Variants in RAPGEF1 observed in about 807,000 individuals in gnomAD.
RAPGEF1 encodes Rap guanine nucleotide exchange factor 1.
A neutral mutation model predicts 143.3 loss-of-function variants in RAPGEF1; 33 were observed. The ratio of observed to expected loss-of-function variants is 0.23; its 90% confidence interval spans 0.17 to 0.31. The LOEUF is 0.31. Ranked by LOEUF, RAPGEF1 falls within the 10% of genes least tolerant of loss-of-function variation. The pLI, the probability that RAPGEF1 is intolerant of heterozygous loss-of-function variation, is 1.00. For missense variants in RAPGEF1, 1,199 were observed against 1,645.4 expected (o/e 0.73, Z 4.69); for synonymous variants, 629 against 676.5 (o/e 0.93, Z 1.09).
chr9:131,650,309 T>C lies in RAPGEF1; in HGVS notation c.202-67A>G. On this transcript the variant is annotated intron_variant, in intron 2 of 26. Coordinates refer to ENST00000683357, the MANE Select transcript of RAPGEF1 (RefSeq NM_001377935.1). The surrounding 1 kb of genome is among the most constrained non-coding windows in gnomAD (Gnocchi z 4.7). ...GCTGTTTGAGGCCGAAGGGAGGGGT[T>C]GATGAAAGTCAATAGCTGTTTCAAC... The C allele has an allele frequency of 1.6e-6, 2 of 1,239,666 alleles. No homozygotes were observed. The highest frequency in any genetic ancestry group is 2.3e-6 in the Non-Finnish European group (2 of 865,826). The allele number at this position is 1,239,666 out of a possible 1,614,324, so 76.8% of individuals were successfully genotyped here.
intron 1 of RAPGEF1, among the ~76,000 whole-genome samples, chr9:131,733,831 A>AT (rs1837247570): frequency 6.6e-6 from 1 of 152,028 alleles, no homozygotes; most frequent in African/African-American, 2.4e-5. Flanking sequence ...TTTGGGAGAC[A>AT]TTTTTCTGCA....
intron 20 of RAPGEF1, among the ~76,000 whole-genome samples, 161 bp from the exon 21 acceptor site, chr9:131,588,187 T>TA (rs1183216589): frequency 2.6e-5 from 4 of 152,212 alleles, no homozygotes; most frequent in African/African-American, 9.6e-5. Flanking sequence ...CCTGGGGCCC[T>TA]AATGGCCTCC....
chr9:131,627,316 C>A (rs1227103001), intron 9 of RAPGEF1, among the ~76,000 whole-genome samples: 1 of 150,194 alleles, frequency 6.7e-6, no homozygotes, highest in Non-Finnish European at 1.5e-5. Flanking sequence ...TTAATAGCTA[C>A]AGATTATTCC....
At chr9:131,684,275 C>A (rs1259732251) in intron 1 of RAPGEF1, among the ~76,000 whole-genome samples, 1 of 152,234 alleles carries the variant, frequency 6.6e-6, no homozygotes, top group Admixed American at 6.5e-5. Flanking sequence ...CCTTTTCTCA[C>A]TTTGTCTGGG....
chr9:131,695,708 C>T (rs189169821), intron 1 of RAPGEF1, among the ~76,000 whole-genome samples: 212 of 152,292 alleles, frequency 1.4e-3, no homozygotes, highest in African/African-American at 4.9e-3. Context: ...CAGCCATCTG[C>T]TGAATGGTAA....
chr9:131,599,344 TCTC>T (rs1051104367), intron 15 of RAPGEF1, among the ~76,000 whole-genome samples: 1 of 150,808 alleles, frequency 6.6e-6, no homozygotes, highest in Non-Finnish European at 1.5e-5. Context: ...CTGGTCTTGA[TCTC>T]CTGACTCATG....
rs553840769 is a variant in RAPGEF1, at chr9:131,621,457, A to G, written c.1905+339T>C. 2.6e-5 allele frequency among the ~76,000 whole-genome samples: 4 copies of G among 152,326 alleles called. No homozygotes were observed. The highest frequency in any genetic ancestry group is 3.4e-3 in the Middle Eastern group (1 of 294). Reference sequence around the variant, plus strand: ...TGAGTCCCTCCTTTCTGGGAGGTCTATGTTGAAGCCAAAGAAGAAAGAAAA... The same window carrying G: ...TGAGTCCCTCCTTTCTGGGAGGTCTGTGTTGAAGCCAAAGAAGAAAGAAAA... On this transcript the variant is annotated intron_variant, in intron 11 of 26. Transcript: ENST00000683357. The surrounding 1 kb of genome is among the most constrained non-coding windows in gnomAD (Gnocchi z 4.5).
At chr9:131,617,017 C>T (rs1390893498) in intron 12 of RAPGEF1, among the ~76,000 whole-genome samples, 3 of 152,162 alleles carry the variant, frequency 2.0e-5, no homozygotes, top group African/African-American at 7.2e-5. Flanking sequence ...GTGTTTTAGA[C>T]ACAAGATGTC....
chr9:131,618,230 C>T (rs1201804746), intron 12 of RAPGEF1, among the ~76,000 whole-genome samples: 1 of 152,236 alleles, frequency 6.6e-6, no homozygotes, highest in East Asian at 1.9e-4. Context: ...AGCCCGCCAG[C>T]TGTCATGTGA....
chr9:131,654,624 C>G (rs1359590531), intron 1 of RAPGEF1, among the ~76,000 whole-genome samples: 1 of 152,124 alleles, frequency 6.6e-6, no homozygotes, highest in Non-Finnish European at 1.5e-5. Context: ...ACTGCTTGAG[C>G]CCAGGAGTTA....
At chr9:131,681,741 T>C (rs745491565) in intron 1 of RAPGEF1, among the ~76,000 whole-genome samples, 4 of 152,196 alleles carry the variant, frequency 2.6e-5, no homozygotes, top group Non-Finnish European at 5.9e-5. Flanking sequence ...CAACTCATCA[T>C]GCCGGATGAT....
intron 26 of RAPGEF1, 129 bp from the exon 27 acceptor site, chr9:131,579,776 T>G: frequency 1.0e-6 from 1 of 988,208 alleles, no homozygotes; most frequent in Non-Finnish European, 1.5e-6. Flanking sequence ...CTGCAGGGGC[T>G]ACCGTTGACC....
At chr9:131,606,640 C>T (rs565990968) in intron 12 of RAPGEF1, among the ~76,000 whole-genome samples, 3 of 152,052 alleles carry the variant, frequency 2.0e-5, no homozygotes, top group Non-Finnish European at 4.4e-5. Context: ...GCCACTCATC[C>T]TTAAGTAGTT....
At chr9:131,685,008 C>G (rs1412332914) in intron 1 of RAPGEF1, among the ~76,000 whole-genome samples, 1 of 152,200 alleles carries the variant, frequency 6.6e-6, no homozygotes, top group Non-Finnish European at 1.5e-5. Context: ...GACAACCAGT[C>G]ACAACAAGTA....
At chr9:131,631,560 C>T (rs1315820748) in intron 5 of RAPGEF1, among the ~76,000 whole-genome samples, 2 of 152,242 alleles carry the variant, frequency 1.3e-5, no homozygotes, top group African/African-American at 4.8e-5. Context: ...TGATGAGGGG[C>T]TTCCAGGCTT....
chr9:131,601,751 A>G (rs1000179837), intron 15 of RAPGEF1, among the ~76,000 whole-genome samples: 2 of 152,072 alleles, frequency 1.3e-5, no homozygotes, highest in African/African-American at 4.8e-5. Flanking sequence ...ACAAAAAACT[A>G]AAACAATCAG....
In RAPGEF1 at chr9:131,584,289, C is replaced by G; in HGVS notation, c.3414+22G>C. The G allele has an allele frequency of 6.3e-7, 1 of 1,589,866 alleles. No homozygotes were observed. The highest frequency in any genetic ancestry group is 8.6e-7 in the Non-Finnish European group (1 of 1,166,962). ...GCCCCCCTTACCAGCCACCCTCCCG[C>G]CCACGCCCCAAGGCCACTCACCTCT... On this transcript the variant is annotated intron_variant, in intron 24 of 26. Transcript: ENST00000683357. The surrounding 1 kb of genome is among the most constrained non-coding windows in gnomAD (Gnocchi z 6.8).
At chr9:131,716,891 C>T (rs1256869417) in intron 1 of RAPGEF1, among the ~76,000 whole-genome samples, 2 of 152,342 alleles carry the variant, frequency 1.3e-5, no homozygotes, top group East Asian at 3.9e-4. Flanking sequence ...ACCTTTCCCA[C>T]CTTCATCTCC....
At chr9:131,679,016 AG>A (rs1479071655) in intron 1 of RAPGEF1, among the ~76,000 whole-genome samples, 1 of 152,166 alleles carries the variant, frequency 6.6e-6, no homozygotes, top group Non-Finnish European at 1.5e-5. Flanking sequence ...TTAAAAATGC[AG>A]GAATTCCTCA....
Sources: gnomAD v4.1 joint callset for allele counts (sites outside exome capture counted in the v4.1 genomes callset) on GRCh38, gnomAD v4.1.1 for gene constraint, Gnocchi (gnomAD v3.1) non-coding constraint, MANE v1.5 for transcripts, NCBI Gene and HGNC (gene_info 2026-07-23, HGNC 2026-07-21) for gene names.